MGAT4C: variants seen among roughly 807,000 people sequenced by gnomAD.
MGAT4C encodes the protein alpha-1,3-mannosyl-glycoprotein 4-beta-N-acetylglucosaminyltransferase C.
In MGAT4C, 19 loss-of-function variants were observed where a neutral mutation model predicts 40.1. The observed-to-expected ratio is 0.47, with a 90% CI of 0.33 to 0.70. The LOEUF is 0.70. Ranked by LOEUF, MGAT4C falls within the 30% of genes least tolerant of loss-of-function variation. The probability of loss-of-function intolerance (pLI) is 0.02; values close to 1 mark genes in which losing one functional copy is unlikely to be tolerated. For missense variants in MGAT4C, 491 were observed against 563.2 expected, an observed-to-expected ratio of 0.87 and a Z score of 1.30; for synonymous variants, 181 against 187.1, an observed-to-expected ratio of 0.97 and a Z score of 0.27.
chr12:86,563,909 C>T (rs376241464), intron 2 of MGAT4C, among the ~76,000 whole-genome samples: 41 of 152,308 alleles, frequency 2.7e-4, no homozygotes, highest in African/African-American at 9.9e-4. Flanking sequence ...CACTGACATA[C>T]TTAGCAGCTG....
At chr12:86,478,873 C>G (rs1957886327) in intron 2 of MGAT4C, among the ~76,000 whole-genome samples, 2 of 151,722 alleles carry the variant, frequency 1.3e-5, no homozygotes, top group African/African-American at 4.8e-5. Context: ...AGAATAAAAC[C>G]CAGAATGTCT....
At chr12:86,253,187 T>A (rs1952372891) in intron 1 of MGAT4C, among the ~76,000 whole-genome samples, 1 of 151,894 alleles carries the variant, frequency 6.6e-6, no homozygotes, top group African/African-American at 2.4e-5. Flanking sequence ...AGATGAGAGC[T>A]TTTCAGGTAG....
intron 2 of MGAT4C, among the ~76,000 whole-genome samples, chr12:86,506,190 A>G (rs1314591006): frequency 6.6e-6 from 1 of 152,168 alleles, no homozygotes; most frequent in Non-Finnish European, 1.5e-5. Context: ...TGATTAAACG[A>G]AAATTCATGT....
chr12:86,093,292 C>A (rs1324881437), intron 1 of MGAT4C, among the ~76,000 whole-genome samples: 1 of 152,084 alleles, frequency 6.6e-6, no homozygotes, highest in East Asian at 1.9e-4. Context: ...AGCTAAAGTT[C>A]TCATATTTTT....
At chr12:86,388,394 G>C (rs61949480) in intron 3 of MGAT4C, among the ~76,000 whole-genome samples, 12,905 of 152,010 alleles carry the variant, frequency 0.085, 763 homozygotes, top group Middle Eastern at 0.22. Context: ...ATTTTTTTAA[G>C]GTTGGAATGA....
At chr12:86,209,668 A>C (rs926257739) in intron 1 of MGAT4C, among the ~76,000 whole-genome samples, 1 of 152,182 alleles carries the variant, frequency 6.6e-6, no homozygotes, top group African/African-American at 2.4e-5. Context: ...TTTTCTATTC[A>C]TCAGGGGACA....
intron 1 of MGAT4C, among the ~76,000 whole-genome samples, chr12:86,159,340 T>C (rs1255769229): frequency 6.6e-6 from 1 of 152,114 alleles, no homozygotes; most frequent in Non-Finnish European, 1.5e-5. Context: ...TTTGCCTATG[T>C]TGAACCCGCC....
intron 2 of MGAT4C, among the ~76,000 whole-genome samples, chr12:86,477,591 T>A (rs1427991170): frequency 6.6e-6 from 1 of 151,900 alleles, no homozygotes; most frequent in East Asian, 1.9e-4. Flanking sequence ...CTTTTTCTCT[T>A]TATATATATA....
chr12:85,981,600 G>A (rs559946884), intron 4 of MGAT4C, among the ~76,000 whole-genome samples: 228 of 152,220 alleles, frequency 1.5e-3, no homozygotes, highest in Admixed American at 5.1e-3. Flanking sequence ...AATGCTTATG[G>A]AATGCTGTCT....
intron 2 of MGAT4C, among the ~76,000 whole-genome samples, chr12:86,547,993 C>G (rs1201450297): frequency 6.6e-6 from 1 of 152,136 alleles, no homozygotes; most frequent in Non-Finnish European, 1.5e-5. Context: ...ATTAGGTTAT[C>G]TGAAGAAGTC....
At chr12:86,592,864 C>G (rs751585581) in intron 2 of MGAT4C, among the ~76,000 whole-genome samples, 11 of 152,114 alleles carry the variant, frequency 7.2e-5, no homozygotes, top group Non-Finnish European at 1.3e-4. Context: ...CTAGCCAAAC[C>G]CTTAATGATA....
intron 2 of MGAT4C, among the ~76,000 whole-genome samples, chr12:86,021,202 T>C (rs1889694990): frequency 6.6e-6 from 1 of 152,110 alleles, no homozygotes; most frequent in Non-Finnish European, 1.5e-5. Flanking sequence ...GACCTAGAAC[T>C]AGAAATACCA....
chr12:86,083,157 C>T (rs1440950516), intron 1 of MGAT4C, among the ~76,000 whole-genome samples: 1 of 152,066 alleles, frequency 6.6e-6, no homozygotes, highest in African/African-American at 2.4e-5. Flanking sequence ...AAATAATTGA[C>T]AACCTAAGGC....
intron 2 of MGAT4C, among the ~76,000 whole-genome samples, chr12:86,497,976 A>T (rs1485973107): frequency 6.9e-6 from 1 of 145,254 alleles, no homozygotes; most frequent in African/African-American, 2.5e-5. Flanking sequence ...AATATATATT[A>T]TATATATAAT....
chr12:86,446,682 T>TATATATATATATATATATATATAC (rs1957345036), intron 2 of MGAT4C, among the ~76,000 whole-genome samples: 13 of 113,450 alleles, frequency 1.1e-4, no homozygotes, highest in Non-Finnish European at 2.1e-4. Flanking sequence ...TATATATATA[T>TATATATATATATATATATATATAC]ATATATATAT....
intron 2 of MGAT4C, among the ~76,000 whole-genome samples, chr12:86,533,822 C>T (rs953681572): frequency 3.3e-5 from 5 of 151,234 alleles, no homozygotes; most frequent in African/African-American, 1.2e-4. Context: ...ACCCCCACCA[C>T]CCACCCCCAA....
At chr12:86,748,472 G>A (rs981158449) in intron 1 of MGAT4C, among the ~76,000 whole-genome samples, 46 of 151,738 alleles carry the variant, frequency 3.0e-4, no homozygotes, top group African/African-American at 9.6e-4. Context: ...ACCTATTCAA[G>A]GATAATTGAC....
intron 3 of MGAT4C, among the ~76,000 whole-genome samples, chr12:86,376,862 G>GAC: frequency 1.1e-5 from 1 of 95,030 alleles, no homozygotes; most frequent in South Asian, 5.1e-4. Flanking sequence ...GAGAGAGAGA[G>GAC]AGAGAGGAGA....
At chr12:86,083,476 C>T (rs374153079) in intron 1 of MGAT4C, among the ~76,000 whole-genome samples, 40 of 152,198 alleles carry the variant, frequency 2.6e-4, no homozygotes, top group African/African-American at 9.6e-4. Context: ...CCCCTCTCTA[C>T]TGTCCTTTCC....
Sources: gnomAD v4.1 joint callset for allele counts (sites outside exome capture counted in the v4.1 genomes callset) on GRCh38, gnomAD v4.1.1 for gene constraint, MANE v1.5 for transcripts, NCBI Gene and HGNC (gene_info 2026-07-23, HGNC 2026-07-21) for gene names.